Variants in MCUB observed in about 807,000 individuals in gnomAD.
The protein encoded by MCUB is mitochondrial calcium uniporter dominant negative subunit beta.
A neutral mutation model predicts 41.4 loss-of-function variants in MCUB; 46 were observed. The observed-to-expected ratio is 1.11, with a 90% CI of 0.88 to 1.42. MCUB has a LOEUF of 1.42. Among genes scored for constraint, MCUB ranks in the 40% most tolerant of loss-of-function variants. MCUB has a pLI of 0.00. For missense variants in MCUB, 403 were observed against 404.9 expected (o/e 1.00, Z 0.04); for synonymous variants, 148 against 148.2 (o/e 1.00, Z 0.01).
intron 1 of MCUB, among the ~76,000 whole-genome samples, chr4:109,596,940 A>G (rs146048183): frequency 0.024 from 3,659 of 151,410 alleles, 118 homozygotes; most frequent in South Asian, 0.069. Flanking sequence ...GACTCTTAAC[A>G]AGCATGCTGC....
chr4:109,679,868 C>T (rs1292581179), intron 4 of MCUB, among the ~76,000 whole-genome samples: 2 of 152,124 alleles, frequency 1.3e-5, no homozygotes, highest in African/African-American at 4.8e-5. Context: ...GTGGTGCAAT[C>T]TCGGCTCACT....
intron 4 of MCUB, among the ~76,000 whole-genome samples, chr4:109,671,519 A>C (rs1292966110): frequency 6.6e-6 from 1 of 152,132 alleles, no homozygotes; most frequent in Non-Finnish European, 1.5e-5. Context: ...TGATGAGCCC[A>C]TCAAAGGCAT....
intron 1 of MCUB, among the ~76,000 whole-genome samples, chr4:109,603,537 G>T (rs931465202): frequency 5.3e-5 from 8 of 151,512 alleles, no homozygotes; most frequent in African/African-American, 1.9e-4. Flanking sequence ...GAAGTGAGGA[G>T]TGTCTCTGCC....
intron 1 of MCUB, among the ~76,000 whole-genome samples, chr4:109,625,943 T>C (rs1177625651): frequency 6.6e-6 from 1 of 152,218 alleles, no homozygotes; most frequent in African/African-American, 2.4e-5. Flanking sequence ...TCCTTAATGA[T>C]TTTTCCTTAA....
intron 1 of MCUB, among the ~76,000 whole-genome samples, chr4:109,652,710 G>A (rs908488836): frequency 2.0e-5 from 3 of 152,248 alleles, no homozygotes; most frequent in South Asian, 2.1e-4. Flanking sequence ...TCCCAGCACC[G>A]TTGCATTGGG....
intron 1 of MCUB, among the ~76,000 whole-genome samples, chr4:109,652,279 C>T (rs1325201070): frequency 6.6e-6 from 1 of 152,054 alleles, no homozygotes; most frequent in Non-Finnish European, 1.5e-5. Flanking sequence ...GGGCACAGTT[C>T]AGCTCATAAT....
chr4:109,657,889 G>C (rs568839136), intron 1 of MCUB, among the ~76,000 whole-genome samples: 1 of 152,126 alleles, frequency 6.6e-6, no homozygotes, highest in Admixed American at 6.5e-5. Flanking sequence ...CTATTCCTGC[G>C]CTTTTGCTTT....
intron 1 of MCUB, among the ~76,000 whole-genome samples, chr4:109,582,872 G>C (rs1727216562): frequency 6.6e-6 from 1 of 151,986 alleles, no homozygotes; most frequent in Non-Finnish European, 1.5e-5. Context: ...AAGATCAGAT[G>C]GTTGTTGATG....
At chr4:109,614,102 G>A (rs972060344) in intron 1 of MCUB, among the ~76,000 whole-genome samples, 3 of 152,176 alleles carry the variant, frequency 2.0e-5, no homozygotes, top group African/African-American at 7.2e-5. Flanking sequence ...AGTCTACCCA[G>A]TGGTTCACAA....
intron 1 of MCUB, among the ~76,000 whole-genome samples, chr4:109,591,906 G>A (rs1242876259): frequency 6.6e-6 from 1 of 151,698 alleles, no homozygotes; most frequent in Non-Finnish European, 1.5e-5. Context: ...TGCTGTGTTG[G>A]CCAGGCTGGT....
chr4:109,595,130 A>G (rs1727525028), intron 1 of MCUB, among the ~76,000 whole-genome samples: 1 of 151,904 alleles, frequency 6.6e-6, no homozygotes. Context: ...AAATTAGTCC[A>G]GTTGATATAT....
chr4:109,608,391 T>C (rs1040434410), intron 1 of MCUB, among the ~76,000 whole-genome samples: 5 of 152,214 alleles, frequency 3.3e-5, no homozygotes, highest in Non-Finnish European at 1.5e-5. Context: ...GATTTGTCTC[T>C]GGTGCCTTAT....
intron 3 of MCUB, 74 bp downstream of exon 3, chr4:109,660,439 T>C (rs554659255): frequency 9.2e-6 from 7 of 759,738 alleles, no homozygotes; most frequent in African/African-American, 7.2e-5. Context: ...GGTTCTTTAC[T>C]TTTCTAGAAG....
intron 4 of MCUB, among the ~76,000 whole-genome samples, chr4:109,678,868 CG>C (rs1729646065): frequency 7.1e-6 from 1 of 140,714 alleles, no homozygotes; most frequent in African/African-American, 2.7e-5. Flanking sequence ...ATGGGGCGGC[CG>C]GGCAGAGACA....
At position 109,598,297 on chromosome 4, in the gene MCUB, G is replaced by A. The variant is rs570559909; in HGVS notation, c.99+37861G>A. The stretch of plus-strand genomic sequence containing the variant: ...GAGATCATGCCACTGCACTCCAGCC[G>A]GGGCACCATTGAGCACTGAGTGAAC... On this transcript the variant is annotated intron_variant, in intron 1 of 7. Coordinates refer to ENST00000394650, the MANE Select transcript of MCUB (RefSeq NM_017918.5). Among the ~76,000 whole-genome samples, 20 of 152,064 alleles carry A rather than the reference G, an allele frequency of 1.3e-4. 1 individual carries two copies. In the South Asian group the frequency reaches 2.7e-3, roughly 21 times the overall value.
chr4:109,638,344 G>A (rs1011409065), intron 1 of MCUB, among the ~76,000 whole-genome samples: 12 of 149,958 alleles, frequency 8.0e-5, no homozygotes, highest in Non-Finnish European at 1.5e-4. Flanking sequence ...GCAACAGAGC[G>A]AAACCTTGTC....
At chr4:109,571,060 A>G (rs1478760544) in intron 1 of MCUB, among the ~76,000 whole-genome samples, 2 of 152,204 alleles carry the variant, frequency 1.3e-5, no homozygotes. Flanking sequence ...TGAAAAGGAA[A>G]AGGCTTGGCT....
chr4:109,643,277 C>T (rs1023101135), intron 1 of MCUB, among the ~76,000 whole-genome samples: 1 of 151,340 alleles, frequency 6.6e-6, no homozygotes, highest in African/African-American at 2.4e-5. Context: ...CTTCTGCCTC[C>T]GGATTCAAGC....
chr4:109,664,961 T>A (rs1213363405), intron 4 of MCUB, among the ~76,000 whole-genome samples: 3 of 152,140 alleles, frequency 2.0e-5, no homozygotes, highest in African/African-American at 7.2e-5. Context: ...AAAAATTGTA[T>A]TATTTAAAGC....
Sources: gnomAD v4.1 joint callset for allele counts (sites outside exome capture counted in the v4.1 genomes callset) on GRCh38, gnomAD v4.1.1 for gene constraint, MANE v1.5 for transcripts, NCBI Gene and HGNC (gene_info 2026-07-23, HGNC 2026-07-21) for gene names.